Variants in PEX13 observed in about 807,000 individuals in gnomAD.
PEX13 encodes the protein peroxisome biogenesis factor 13.
In PEX13, 28 loss-of-function variants were observed where a neutral mutation model predicts 34.5. The ratio of observed to expected loss-of-function variants is 0.81; its 90% confidence interval spans 0.60 to 1.11. The LOEUF (loss-of-function observed/expected upper bound fraction) is 1.11. PEX13 is among the 50% of genes most tolerant of loss of function. The pLI is 0.00. For synonymous variants in PEX13, 177 were observed against 175.1 expected (o/e 1.01, Z -0.09); for missense variants, 550 against 491.0 (o/e 1.12, Z -1.13).
chr2:61,018,146 G>C (rs1253134886), intron 1 of PEX13: 1 of 1,550,404 alleles, frequency 6.4e-7, no homozygotes, highest in Non-Finnish European at 8.7e-7. Flanking sequence ...TACCGCTTCT[G>C]TTTTCACTTT....
chr2:61,035,403 A>T (rs1241324675), intron 2 of PEX13, among the ~76,000 whole-genome samples: 1 of 152,234 alleles, frequency 6.6e-6, no homozygotes, highest in Non-Finnish European at 1.5e-5. Context: ...TCCAAAAACC[A>T]GAGCGCCTCT....
At position 61,040,361 on chromosome 2, in the gene PEX13, A is replaced by G. The variant is rs183626076; in HGVS notation, c.788-5365A>G. 2.8e-3 allele frequency among the ~76,000 whole-genome samples: 424 copies of G among 152,290 alleles called. 1 individual carries two copies. The highest frequency in any genetic ancestry group is 9.5e-3 in the African/African-American group (395 of 41,550). On this transcript the variant is annotated intron_variant, in intron 2 of 3. Coordinates refer to ENST00000295030, the MANE Select transcript of PEX13 (RefSeq NM_002618.4). ...CACATGTCCATCAATGATAGACTGG[A>G]TTAAGAAAATGTGGCACATATACAC...
intron 1 of PEX13, among the ~76,000 whole-genome samples, chr2:61,025,668 T>A (rs1680342372): frequency 6.6e-6 from 1 of 152,132 alleles, no homozygotes; most frequent in African/African-American, 2.4e-5. Context: ...CAAGCCCGTT[T>A]ATTTTTTAAT....
chr2:61,029,632 A>C (rs779494180), intron 1 of PEX13, among the ~76,000 whole-genome samples: 2 of 152,182 alleles, frequency 1.3e-5, no homozygotes, highest in African/African-American at 2.4e-5. Context: ...ACATCTGATC[A>C]ACCAACTGTG....
intron 1 of PEX13, among the ~76,000 whole-genome samples, chr2:61,021,437 C>T (rs1680260696): frequency 6.6e-6 from 1 of 152,142 alleles, no homozygotes; most frequent in South Asian, 2.1e-4. Context: ...AGTCTGAGAT[C>T]AATCTGCGAG....
chr2:61,025,652 C>T (rs956115081), intron 1 of PEX13, among the ~76,000 whole-genome samples: 1 of 152,240 alleles, frequency 6.6e-6, no homozygotes, highest in East Asian at 1.9e-4. Flanking sequence ...AGCCACCATG[C>T]CCAGCCAAGC....
At chr2:61,022,958 G>C (rs1209912119) in intron 1 of PEX13, among the ~76,000 whole-genome samples, 1 of 151,898 alleles carries the variant, frequency 6.6e-6, no homozygotes, top group African/African-American at 2.4e-5. Context: ...GTACTATTCT[G>C]GTTTTGTATC....
At chr2:61,044,863 C>T (rs1302804106) in intron 2 of PEX13, among the ~76,000 whole-genome samples, 3 of 152,328 alleles carry the variant, frequency 2.0e-5, no homozygotes, top group East Asian at 1.9e-4. Context: ...TCCATTCCCA[C>T]GCAAGTTGGC....
At chr2:61,035,491 A>G (rs1680520188) in intron 2 of PEX13, among the ~76,000 whole-genome samples, 1 of 152,242 alleles carries the variant, frequency 6.6e-6, no homozygotes, top group Non-Finnish European at 1.5e-5. Flanking sequence ...TGACAGAAGT[A>G]GGCTTCCAAA....
chr2:61,043,091 G>A (rs1297621971), intron 2 of PEX13, among the ~76,000 whole-genome samples: 3 of 152,052 alleles, frequency 2.0e-5, no homozygotes, highest in Non-Finnish European at 4.4e-5. Flanking sequence ...CAACAAGAAG[G>A]CCCTTACTAA....
At chr2:61,047,490 C>T (rs1452646274) in intron 3 of PEX13, among the ~76,000 whole-genome samples, 1 of 152,154 alleles carries the variant, frequency 6.6e-6, no homozygotes, top group African/African-American at 2.4e-5. Flanking sequence ...TAGCAATTTA[C>T]TATTTTGGAT....
intron 1 of PEX13, among the ~76,000 whole-genome samples, chr2:61,027,667 T>G (rs1680382809): frequency 6.6e-6 from 1 of 152,194 alleles, no homozygotes; most frequent in Admixed American, 6.5e-5. Flanking sequence ...CAGAATTGAG[T>G]AGGCCCGTAG....
rs1365913728 is a variant in PEX13, at chr2:61,017,786, C to T, written c.27C>T (p.Pro9=). 1 of 1,550,296 alleles carries T rather than the reference C, an allele frequency of 6.5e-7. No homozygotes were observed. The highest frequency in any genetic ancestry group is 1.2e-5 in the South Asian group (1 of 83,962). Residue 9 remains proline (P), a synonymous_variant, in exon 1 of 4, where the codon CCC becomes CCT. Coordinates refer to ENST00000295030, the MANE Select transcript of PEX13 (RefSeq NM_002618.4). MASQPPPP[P]KPWETRRIPG... ...TGGCGTCCCAGCCGCCACCTCCCCC[C>T]AAACCCTGGGAGACCCGCCGAATTC...
chr2:61,029,231 A>T (rs755608969), intron 1 of PEX13, among the ~76,000 whole-genome samples: 4 of 152,184 alleles, frequency 2.6e-5, no homozygotes, highest in Admixed American at 6.5e-5. Flanking sequence ...ACCAATAAGC[A>T]CATGAAAATA....
intron 1 of PEX13, among the ~76,000 whole-genome samples, chr2:61,019,734 G>A (rs1205000265): frequency 6.6e-6 from 1 of 152,054 alleles, no homozygotes; most frequent in African/African-American, 2.4e-5. Context: ...CTTTCTACTA[G>A]CACCACACTA....
chr2:61,051,141 A>C lies in PEX13; in HGVS notation c.*2371A>C, dbSNP rs1183094089. The C allele has an allele frequency of 6.6e-6, 1 of 152,222 alleles. No individual in the cohort carries two copies. Among genetic ancestry groups the C allele is most frequent in the Non-Finnish European group, 1.5e-5 (1 of 68,030 alleles). The allele number at this position is 152,222 out of a possible 1,614,324, so 9.4% of individuals were successfully genotyped here. ...AAAATAAATATAGTAAAATTTATTT[A>C]TCTTTGGCCAGTTTTCCAACACCCA... On this transcript the variant is annotated 3_prime_UTR_variant, in exon 4 of 4. Coordinates refer to ENST00000295030, the MANE Select transcript of PEX13 (RefSeq NM_002618.4).
At position 61,048,923 on chromosome 2, in the gene PEX13, T is replaced by C; in HGVS notation, c.*153T>C. 2 of 668,244 alleles carry C rather than the reference T, an allele frequency of 3.0e-6. No homozygotes were observed. The highest frequency in any genetic ancestry group is 5.2e-6 in the Non-Finnish European group (2 of 388,176). 41.4% of individuals were successfully genotyped at this position (668,244 alleles called of 1,614,324 possible). The stretch of plus-strand genomic sequence containing the variant: ...AGAAATTATTAAAGTTACACACTAG[T>C]ATGTTGGTCTGGTGACCTGGTTACA... On this transcript the variant is annotated 3_prime_UTR_variant, in exon 4 of 4. Transcript: ENST00000295030.
chr2:61,033,992 T>C lies in PEX13; in HGVS notation c.787+1879T>C, dbSNP rs1164286456. ...TTAGGTGTTTTTTTTTGTTTTGTTT[T>C]TTGTTTTGTTTTTTTTCTTCGGGAG... On this transcript the variant is annotated intron_variant, in intron 2 of 3. Transcript: ENST00000295030. 2.6e-5 allele frequency among the ~76,000 whole-genome samples: 4 copies of C among 151,996 alleles called. No homozygotes were observed. The East Asian group carries it at 7.7e-4, about 29-fold the overall frequency.
In PEX13 at chr2:61,048,887, GT is replaced by G; in HGVS notation, c.*121del. ...ACATTTGTTATTGGCTATTTCAGGTGTTTTGCTGCTAGAAATTATTAAAGTT... is the reference window on the plus strand; with the variant it reads ...ACATTTGTTATTGGCTATTTCAGGTGTTTGCTGCTAGAAATTATTAAAGTT... On this transcript the variant is annotated 3_prime_UTR_variant, in exon 4 of 4. Coordinates refer to ENST00000295030, the MANE Select transcript of PEX13 (RefSeq NM_002618.4). 1 of 881,278 alleles carries G rather than the reference GT, an allele frequency of 1.1e-6. No homozygotes were observed. The highest frequency in any genetic ancestry group is 2.3e-5 in the Admixed American group (1 of 43,986). The allele number at this position is 881,278 out of a possible 1,614,324, so 54.6% of individuals were successfully genotyped here. A position where few individuals can be genotyped will look rare whatever the true frequency, so the allele number is the denominator to read the frequency against.
Sources: allele counts gnomAD v4.1 joint callset (sites outside exome capture counted in the v4.1 genomes callset), GRCh38; gene constraint gnomAD v4.1.1; transcripts MANE v1.5; gene names NCBI Gene and HGNC (gene_info 2026-07-23, HGNC 2026-07-21).